The following ACER2 variants were observed in gnomAD, a reference collection of about 807,000 sequenced individuals.
The protein encoded by ACER2 is alkCDase 2.
Under a neutral mutation model 34.7 loss-of-function variants are expected in ACER2, and 26 were observed. That is an observed-to-expected ratio of 0.75 (90% confidence interval 0.55 to 1.04). The LOEUF (loss-of-function observed/expected upper bound fraction) is 1.04, where lower values mean the gene tolerates loss of function less well. Ranked by LOEUF, ACER2 falls within the 50% of genes least tolerant of loss-of-function variation. The pLI is 0.00. For missense variants in ACER2, 352 were observed against 340.8 expected, an observed-to-expected ratio of 1.03 and a Z score of -0.26; for synonymous variants, 138 against 132.1, an observed-to-expected ratio of 1.04 and a Z score of -0.31.
intron 3 of ACER2, among the ~76,000 whole-genome samples, chr9:19,429,068 A>C (rs1251511193): frequency 6.6e-6 from 1 of 152,004 alleles, no homozygotes; most frequent in Non-Finnish European, 1.5e-5. Context: ...GATTACAGGC[A>C]TGAGCCACTG....
chr9:19,422,268 T>C (rs1159815866), intron 1 of ACER2, among the ~76,000 whole-genome samples: 1 of 151,752 alleles, frequency 6.6e-6, no homozygotes, highest in Non-Finnish European at 1.5e-5. Context: ...CACTACACTC[T>C]AGCCTGGTTG....
At chr9:19,446,530 T>C (rs1831370455) in intron 5 of ACER2, 112 bp downstream of exon 5, 26 of 1,560,398 alleles carry the variant, frequency 1.7e-5, no homozygotes, top group Non-Finnish European at 2.2e-5. Context: ...GCTGGCTTGC[T>C]TCTCTCCTCA....
chr9:19,411,413 A>G (rs1234234647), intron 1 of ACER2, among the ~76,000 whole-genome samples: 1 of 152,066 alleles, frequency 6.6e-6, no homozygotes, highest in East Asian at 1.9e-4. Flanking sequence ...TTTTGAGATG[A>G]TCATGCTCTG....
intron 3 of ACER2, among the ~76,000 whole-genome samples, chr9:19,433,570 G>A (rs1230581729): frequency 1.3e-5 from 2 of 152,196 alleles, no homozygotes; most frequent in Admixed American, 6.5e-5. Context: ...ACACAGACAC[G>A]GCAACCATCC....
At chr9:19,430,564 G>A (rs1830720415) in intron 3 of ACER2, among the ~76,000 whole-genome samples, 1 of 152,052 alleles carries the variant, frequency 6.6e-6, no homozygotes, top group African/African-American at 2.4e-5. Flanking sequence ...TACTTCTCCC[G>A]GCTGCTTGTG....
chr9:19,434,434 G>T (rs1422334036), intron 3 of ACER2, among the ~76,000 whole-genome samples: 16 of 152,258 alleles, frequency 1.1e-4, no homozygotes, highest in African/African-American at 3.4e-4. Context: ...CTGGGAGGTG[G>T]AGGTTGTAGC....
chr9:19,412,846 G>A (rs1270736814), intron 1 of ACER2, among the ~76,000 whole-genome samples: 4 of 151,928 alleles, frequency 2.6e-5, no homozygotes, highest in Non-Finnish European at 4.4e-5. Context: ...TCCCTTTAAT[G>A]GATTGATCAT....
At chr9:19,428,448 A>G (rs1378507261) in intron 3 of ACER2, among the ~76,000 whole-genome samples, 2 of 152,130 alleles carry the variant, frequency 1.3e-5, no homozygotes, top group Admixed American at 6.5e-5. Flanking sequence ...GATTACAGGT[A>G]TGAGCCACCA....
At chr9:19,447,668 A>T (rs1045113100) in intron 5 of ACER2, among the ~76,000 whole-genome samples, 1 of 152,204 alleles carries the variant, frequency 6.6e-6, no homozygotes, top group Non-Finnish European at 1.5e-5. Context: ...TTTTTATCTA[A>T]GTCCCCTGTC....
chr9:19,414,686 C>G (rs977184559), intron 1 of ACER2, among the ~76,000 whole-genome samples: 1 of 151,994 alleles, frequency 6.6e-6, no homozygotes, highest in African/African-American at 2.4e-5. Flanking sequence ...GCCTGTGGTC[C>G]CAGTTACTCA....
chr9:19,443,588 C>T (rs2132525439), intron 4 of ACER2, among the ~76,000 whole-genome samples: 1 of 152,350 alleles, frequency 6.6e-6, no homozygotes, highest in Middle Eastern at 3.4e-3. Context: ...GGCACAGTTG[C>T]CAGGCATGGA....
chr9:19,422,303 A>G (rs1368634421), intron 1 of ACER2, among the ~76,000 whole-genome samples: 1 of 144,576 alleles, frequency 6.9e-6, no homozygotes, highest in Admixed American at 6.8e-5. Context: ...TGTCTCTAAG[A>G]AAAAAAAAAA....
At chr9:19,425,937 G>C (rs1830545218) in intron 3 of ACER2, among the ~76,000 whole-genome samples, 1 of 152,208 alleles carries the variant, frequency 6.6e-6, no homozygotes, top group Non-Finnish European at 1.5e-5. Flanking sequence ...ACTCTGAAAA[G>C]GAACAGGAGC....
At chr9:19,442,706 A>C (rs1316725585) in intron 4 of ACER2, among the ~76,000 whole-genome samples, 1 of 152,242 alleles carries the variant, frequency 6.6e-6, no homozygotes, top group African/African-American at 2.4e-5. Context: ...CTCGTGTCCC[A>C]GACTAATTGT....
intron 3 of ACER2, 106 bp downstream of exon 3, chr9:19,424,947 G>A: frequency 1.4e-6 from 2 of 1,381,750 alleles, no homozygotes; most frequent in Non-Finnish European, 2.0e-6. Flanking sequence ...GCCTAGTGAT[G>A]AGCTTATCAT....
In ACER2 at chr9:19,423,971, T is replaced by C. The variant is rs556752561; in HGVS notation, c.218T>C (p.Val73Ala). 6 of 1,611,788 alleles carry C rather than the reference T, an allele frequency of 3.7e-6. No homozygotes were observed. The highest frequency in any genetic ancestry group is 1.1e-5 in the South Asian group (1 of 91,040). Residue 73 changes from valine (V) to alanine (A), a missense_variant, in exon 2 of 6, where the codon GTA (valine) becomes GCA (alanine). Transcript: ENST00000340967. Reference sequence around the variant, plus strand: ...TACTTAATCTGGACTCTTTTGGTTGTAGTGGGTAAGTGGAGTCATTTGGGA... The same window carrying C: ...TACTTAATCTGGACTCTTTTGGTTGCAGTGGGTAAGTGGAGTCATTTGGGA... ...GIYLIWTLLVVVGIGSVYFHA... is the reference protein window; with the variant it reads ...GIYLIWTLLVAVGIGSVYFHA...
At position 19,424,824 on chromosome 9, in the gene ACER2, G is replaced by C. The variant is rs1432416066; in HGVS notation, c.348G>C (p.Lys116Asn). Residue 116 changes from lysine to asparagine, a missense_variant, in exon 3 of 6, where the codon AAG becomes AAC. By Grantham distance (94) the Lys-to-Asn change is moderately conservative. Coordinates refer to ENST00000340967, the MANE Select transcript of ACER2 (RefSeq NM_001010887.3). Reference protein sequence around the residue: ...AMWFPRRYLPKIFRNDRGRFK... With the variant: ...AMWFPRRYLPNIFRNDRGRFK... The stretch of plus-strand genomic sequence containing the variant: ...GGTTCCCCAGAAGGTATCTACCAAA[G>C]ATCTTTCGGAATGACCGGTAAGCTT... 6.2e-7 allele frequency: 1 copy of C among 1,614,156 alleles called. No homozygotes were observed. The highest frequency in any genetic ancestry group is 1.1e-5 in the South Asian group (1 of 91,078).
chr9:19,413,326 C>T (rs551785646), intron 1 of ACER2, among the ~76,000 whole-genome samples: 14 of 152,300 alleles, frequency 9.2e-5, no homozygotes, highest in African/African-American at 7.2e-5. Context: ...TGGCTGGGCG[C>T]GGTGGCTCAC....
intron 3 of ACER2, among the ~76,000 whole-genome samples, chr9:19,430,377 T>G (rs1417439175): frequency 6.6e-6 from 1 of 152,206 alleles, no homozygotes; most frequent in East Asian, 1.9e-4. Context: ...GAGACCCTAA[T>G]GGGCTGGAAA....
Sources: allele counts gnomAD v4.1 joint callset (sites outside exome capture counted in the v4.1 genomes callset), GRCh38; gene constraint gnomAD v4.1.1; transcripts MANE v1.5; gene names NCBI Gene and HGNC (gene_info 2026-07-23, HGNC 2026-07-21).